The following MAP4K3 variants were observed in gnomAD, a reference collection of about 807,000 sequenced individuals.
MAP4K3 encodes the protein mitogen-activated protein kinase kinase kinase kinase 3.
Under a neutral mutation model 143.5 loss-of-function variants are expected in MAP4K3, and 94 were observed. The observed-to-expected ratio is 0.65, with a 90% CI of 0.55 to 0.78. MAP4K3 has a LOEUF of 0.78. Among genes scored for constraint, MAP4K3 ranks in the 30% least tolerant of loss-of-function variants. The probability of loss-of-function intolerance (pLI) is 0.00; values close to 1 mark genes in which losing one functional copy is unlikely to be tolerated. For synonymous variants in MAP4K3, 416 were observed against 347.2 expected (o/e 1.20, Z -2.20); for missense variants, 1,077 against 1,068.1 (o/e 1.01, Z -0.12).
chr2:39,378,219 A>T, intron 1 of MAP4K3, 96 bp from the exon 2 acceptor site: 1 of 643,976 alleles, frequency 1.6e-6, no homozygotes, highest in Non-Finnish European at 2.7e-6. Flanking sequence ...TTATATAAAA[A>T]TATTTTAAAA....
At chr2:39,413,160 G>T (rs1465361292) in intron 1 of MAP4K3, among the ~76,000 whole-genome samples, 1 of 152,176 alleles carries the variant, frequency 6.6e-6, no homozygotes, top group Non-Finnish European at 1.5e-5. Context: ...AAGCTTTCAT[G>T]CAGTAAAAGT....
intron 1 of MAP4K3, among the ~76,000 whole-genome samples, chr2:39,392,388 G>C (rs1666690193): frequency 6.6e-6 from 1 of 151,986 alleles, no homozygotes; most frequent in Non-Finnish European, 1.5e-5. Flanking sequence ...AACATTTTCT[G>C]CTAACTCAAT....
intron 13 of MAP4K3, among the ~76,000 whole-genome samples, chr2:39,311,966 T>TA (rs1421776624): frequency 6.6e-6 from 1 of 151,746 alleles, no homozygotes; most frequent in Non-Finnish European, 1.5e-5. Flanking sequence ...GGTACAGAAA[T>TA]ACAGTATTGA....
At chr2:39,265,584 G>A (rs1028192144) in intron 27 of MAP4K3, among the ~76,000 whole-genome samples, 2 of 152,126 alleles carry the variant, frequency 1.3e-5, no homozygotes, top group Admixed American at 6.5e-5. Context: ...AGGACTTTTC[G>A]TCTTATGATG....
intron 15 of MAP4K3, among the ~76,000 whole-genome samples, chr2:39,302,858 T>C (rs543833297): frequency 1.4e-4 from 22 of 152,352 alleles, no homozygotes; most frequent in Admixed American, 7.8e-4. Context: ...TTAAAATATC[T>C]TTTTGGGTTG....
chr2:39,369,990 T>C (rs141468151), intron 2 of MAP4K3, among the ~76,000 whole-genome samples: 278 of 152,326 alleles, frequency 1.8e-3, no homozygotes, highest in African/African-American at 6.3e-3. Flanking sequence ...AGTTTTCACA[T>C]TGGATAACAA....
chr2:39,296,221 A>G (rs1442730452), intron 16 of MAP4K3, among the ~76,000 whole-genome samples: 1 of 152,230 alleles, frequency 6.6e-6, no homozygotes, highest in Non-Finnish European at 1.5e-5. Flanking sequence ...GGTCTTAATG[A>G]AAAGTAGGAT....
At chr2:39,347,530 T>C (rs375088022) in intron 3 of MAP4K3, among the ~76,000 whole-genome samples, 1 of 152,270 alleles carries the variant, frequency 6.6e-6, no homozygotes, top group Non-Finnish European at 1.5e-5. Flanking sequence ...ACCTGGAATA[T>C]AGCACAATAA....
At chr2:39,333,210 T>A (rs1214057926) in intron 7 of MAP4K3, among the ~76,000 whole-genome samples, 1 of 152,178 alleles carries the variant, frequency 6.6e-6, no homozygotes, top group Non-Finnish European at 1.5e-5. Flanking sequence ...GATATTTGTC[T>A]TATTTTTTGG....
chr2:39,288,558 C>T (rs1681894592), intron 19 of MAP4K3, among the ~76,000 whole-genome samples: 1 of 152,182 alleles, frequency 6.6e-6, no homozygotes, highest in African/African-American at 2.4e-5. Context: ...CAAGTCTCCC[C>T]ACTTAGACTA....
At chr2:39,416,734 C>T (rs1326053447) in intron 1 of MAP4K3, among the ~76,000 whole-genome samples, 1 of 152,216 alleles carries the variant, frequency 6.6e-6, no homozygotes, top group Admixed American at 6.5e-5. Flanking sequence ...GATCACTGAA[C>T]CCTCTTCTTC....
intron 28 of MAP4K3, among the ~76,000 whole-genome samples, chr2:39,264,399 G>A (rs1680688350): frequency 6.6e-6 from 1 of 152,120 alleles, no homozygotes; most frequent in African/African-American, 2.4e-5. Context: ...TGAATCTCGA[G>A]GGTAAAACTG....
At chr2:39,401,784 G>A (rs901781587) in intron 1 of MAP4K3, among the ~76,000 whole-genome samples, 2 of 152,112 alleles carry the variant, frequency 1.3e-5, no homozygotes, top group African/African-American at 4.8e-5. Flanking sequence ...CTGGATGACA[G>A]GAGTGTGACC....
intron 26 of MAP4K3, among the ~76,000 whole-genome samples, chr2:39,270,928 G>A (rs1680992780): frequency 6.6e-6 from 1 of 152,048 alleles, no homozygotes; most frequent in Non-Finnish European, 1.5e-5. Flanking sequence ...TGAAACTGAA[G>A]AAAGTGGGAA....
At chr2:39,261,298 A>G (rs1680557120) in intron 28 of MAP4K3, among the ~76,000 whole-genome samples, 1 of 146,860 alleles carries the variant, frequency 6.8e-6, no homozygotes, top group African/African-American at 2.5e-5. Context: ...AAATCAACTC[A>G]GTTATAATAC....
rs8545 is a variant in MAP4K3, at chr2:39,356,305, A to G, written c.189T>C (p.Ile63=). 0.86 allele frequency: 1,384,476 copies of G among 1,602,176 alleles called. 608,214 individuals are homozygous for G. The highest frequency in any genetic ancestry group is 0.9 in the Non-Finnish European group (1,058,047 of 1,173,498). Residue 63 remains isoleucine, a synonymous_variant, in exon 3 of 34, where the codon ATT becomes ATC. Transcript: ENST00000263881. The part of the protein sequence containing the change: ...EDFAVVQQEI[I]MMKDCKHPNI... Reference sequence around the variant, plus strand: ...TTGGGTGTTTACAGTCTTTCATCATAATAATTTCTTGCTGCACAACTGCAA... The same window carrying G: ...TTGGGTGTTTACAGTCTTTCATCATGATAATTTCTTGCTGCACAACTGCAA...
chr2:39,390,719 G>A (rs1008111873), intron 1 of MAP4K3, among the ~76,000 whole-genome samples: 11 of 150,974 alleles, frequency 7.3e-5, no homozygotes, highest in Admixed American at 4.0e-4. Flanking sequence ...AGAAGAAAAA[G>A]CACTTTTCTA....
intron 2 of MAP4K3, among the ~76,000 whole-genome samples, chr2:39,373,189 C>G (rs1203765846): frequency 6.6e-6 from 1 of 152,134 alleles, no homozygotes; most frequent in East Asian, 1.9e-4. Flanking sequence ...TGAAAAGGTG[C>G]TCAACATCAC....
chr2:39,280,274 C>G lies in MAP4K3; in HGVS notation c.1712G>C (p.Arg571Thr). The G allele has an allele frequency of 1.3e-6, 2 of 1,557,326 alleles. No homozygotes were observed. Among genetic ancestry groups the G allele is most frequent in the Non-Finnish European group, 1.7e-6 (2 of 1,143,814 alleles). The change falls in exon 23 of 34, where the codon AGA (arginine) becomes ACA (threonine). Residue 571 changes from arginine to threonine, a missense_variant and splice_region_variant. Around this residue, in one of 2 missense-constraint regions of MAP4K3, gnomAD observed 864 missense variants for 801.2 expected, o/e 1.08. Coordinates refer to ENST00000263881, the MANE Select transcript of MAP4K3 (RefSeq NM_003618.4). ...CASSWINPDT[R>T]DQYLIFGAEE... ...CAGATAAAAACACACAATACTACCT[C>G]TTGTATCTGGGTTTATCCATGATGA...
Sources: gnomAD v4.1 joint callset for allele counts (sites outside exome capture counted in the v4.1 genomes callset) on GRCh38, gnomAD v4.1.1 for gene constraint, gnomAD v4.1.1 regional missense constraint, MANE v1.5 for transcripts, NCBI Gene and HGNC (gene_info 2026-07-23, HGNC 2026-07-21) for gene names.